Variants in AFF1 observed in about 807,000 individuals in gnomAD.
AFF1 encodes the protein ALF transcription elongation factor 1.
In AFF1, 48 loss-of-function variants were observed where a neutral mutation model predicts 121.7. That is an observed-to-expected ratio of 0.39 (90% CI 0.31 to 0.50). The LOEUF (loss-of-function observed/expected upper bound fraction) is 0.50. AFF1 is among the 20% of genes least tolerant of loss of function. AFF1 has a pLI of 0.76. For missense variants in AFF1, 1,523 were observed against 1,511.7 expected, an observed-to-expected ratio of 1.01 and a Z score of -0.12; for synonymous variants, 613 against 563.0, an observed-to-expected ratio of 1.09 and a Z score of -1.26.
intron 8 of AFF1, among the ~76,000 whole-genome samples, chr4:87,098,191 G>C (rs904473787): frequency 6.6e-6 from 1 of 152,168 alleles, no homozygotes; most frequent in African/African-American, 2.4e-5. Context: ...TATTAACTCA[G>C]ATATGGTTAG....
intron 12 of AFF1, among the ~76,000 whole-genome samples, chr4:87,122,881 T>TTAAAAA (rs1381944812): frequency 2.1e-5 from 2 of 96,646 alleles, no homozygotes; most frequent in African/African-American, 8.4e-5. Context: ...GGAAAATTAG[T>TTAAAAA]AAAAAAAAAA....
At chr4:87,079,778 G>A (rs1227835327) in intron 4 of AFF1, among the ~76,000 whole-genome samples, 3 of 152,086 alleles carry the variant, frequency 2.0e-5, no homozygotes, top group East Asian at 3.9e-4. Context: ...ATGTCTCCTC[G>A]TTTTAAAAAC....
At chr4:86,986,775 T>C (rs1489696705) in intron 2 of AFF1, among the ~76,000 whole-genome samples, 1 of 152,134 alleles carries the variant, frequency 6.6e-6, no homozygotes, top group Admixed American at 6.5e-5. Flanking sequence ...TTATTAATAT[T>C]ACATTAATAT....
At position 87,046,701 on chromosome 4, in the gene AFF1, A is replaced by G. The variant is rs1560570970; in HGVS notation, c.166A>G (p.Lys56Glu). The G allele has an allele frequency of 6.2e-7, 1 of 1,600,528 alleles. No individual in the cohort carries two copies. The highest frequency in any genetic ancestry group is 8.5e-7 in the Non-Finnish European group (1 of 1,172,448). ...AATTCTCCTTTTTTTTCAGACAGCA[A>G]AAGGTGATGAGCTGTCTAGTCGAAT... ...PLFGEPYKTA[K>E]GDELSSRIQN... Residue 56 changes from lysine (K) to glutamate (E), a missense_variant, in exon 4 of 21, where the codon AAA (lysine) becomes GAA (glutamate). This residue lies in a region of AFF1 where 369 missense variants were observed against 367.2 expected (regional missense o/e 1.00). Transcript: ENST00000395146.
intron 5 of AFF1, among the ~76,000 whole-genome samples, chr4:87,087,255 A>T (rs543440639): frequency 6.6e-6 from 1 of 152,356 alleles, no homozygotes; most frequent in East Asian, 1.9e-4. Context: ...AGGATGTTGT[A>T]GTGAATAAGA....
At chr4:86,941,469 GCCA>G (rs1560489741) in intron 1 of AFF1, among the ~76,000 whole-genome samples, 1 of 152,148 alleles carries the variant, frequency 6.6e-6, no homozygotes, top group East Asian at 1.9e-4. Flanking sequence ...GTTGAGCCTG[GCCA>G]ACGTGATGAA....
rs747868110 is a variant in AFF1 at position 87,046,294 on chromosome 4, C to T, written c.159+8C>T. The T allele has an allele frequency of 6.2e-7, 1 of 1,609,804 alleles. No homozygotes were observed. The highest frequency in any genetic ancestry group is 1.3e-5 in the African/African-American group (1 of 74,192). ...TTTGGAGAGCCCTACAAGGTATTTACTGAACACTAGACATTGAAGTCCTGA... is the reference window on the plus strand; with the variant it reads ...TTTGGAGAGCCCTACAAGGTATTTATTGAACACTAGACATTGAAGTCCTGA... On this transcript the variant is annotated splice_region_variant and intron_variant, in intron 3 of 20. Transcript: ENST00000395146.
intron 4 of AFF1, among the ~76,000 whole-genome samples, chr4:87,053,830 A>G (rs1731495483): frequency 1.3e-5 from 2 of 152,240 alleles, no homozygotes; most frequent in South Asian, 4.1e-4. Context: ...GACAAGTGCT[A>G]TAAGGGAAAC....
Position 87,114,793 on chromosome 4 carries a change from A to T in AFF1, c.1960A>T (p.Thr654Ser). ...TTCCAAAGACAAGCCCAAGGTGAAGACGAAAGGACGGCCCCGGGCCGCAGC... is the reference window on the plus strand; with the variant it reads ...TTCCAAAGACAAGCCCAAGGTGAAGTCGAAAGGACGGCCCCGGGCCGCAGC... ...QTSKDKPKVKTKGRPRAAASN... is the reference protein window; with the variant it reads ...QTSKDKPKVKSKGRPRAAASN... The change falls in exon 12 of 21, where the codon ACG (threonine) becomes TCG (serine). Residue 654 changes from threonine to serine, a missense_variant. By Grantham distance (58) the Thr-to-Ser change is moderately conservative. Coordinates refer to ENST00000395146, the MANE Select transcript of AFF1 (RefSeq NM_001166693.3). The T allele has an allele frequency of 6.2e-7, 1 of 1,612,898 alleles. No homozygotes were observed. The highest frequency in any genetic ancestry group is 2.2e-5 in the East Asian group (1 of 44,824).
chr4:87,015,897 G>A (rs1296756705), intron 2 of AFF1, among the ~76,000 whole-genome samples: 3 of 152,188 alleles, frequency 2.0e-5, no homozygotes, highest in Non-Finnish European at 4.4e-5. Flanking sequence ...AAAGAATGAA[G>A]AAGTCGGGCG....
intron 2 of AFF1, among the ~76,000 whole-genome samples, chr4:87,025,679 A>T (rs569397326): frequency 6.6e-6 from 1 of 152,088 alleles, no homozygotes; most frequent in Non-Finnish European, 1.5e-5. Flanking sequence ...ATCATCTCAG[A>T]TAGAGGCTAG....
chr4:86,962,964 G>T (rs1307842983), intron 2 of AFF1, among the ~76,000 whole-genome samples: 1 of 151,932 alleles, frequency 6.6e-6, no homozygotes, highest in Admixed American at 6.6e-5. Flanking sequence ...CCAGGAGTTC[G>T]AGACCAGCCT....
At chr4:87,084,312 G>A in intron 5 of AFF1, 148 bp downstream of exon 5, 1 of 787,724 alleles carries the variant, frequency 1.3e-6, no homozygotes, top group Non-Finnish European at 2.1e-6. Context: ...GCCAAGGTGG[G>A]CGGATTGCTT....
At chr4:87,006,530 A>C (rs1042025105) in intron 2 of AFF1, among the ~76,000 whole-genome samples, 6 of 152,266 alleles carry the variant, frequency 3.9e-5, no homozygotes, top group Middle Eastern at 3.4e-3. Flanking sequence ...ATTTGTCTCT[A>C]TGTAAGGAAA....
chr4:87,132,208 T>TA, intron 18 of AFF1, 63 bp from the exon 19 acceptor site: 1 of 1,571,722 alleles, frequency 6.4e-7, no homozygotes, highest in African/African-American at 1.4e-5. Flanking sequence ...TATAAAAGGT[T>TA]AGATGGCTGC....
chr4:86,945,236 A>T (rs1720767426), intron 1 of AFF1, among the ~76,000 whole-genome samples: 2 of 151,838 alleles, frequency 1.3e-5, no homozygotes. Flanking sequence ...CATGCAGCTC[A>T]CTTGAGCCTA....
At chr4:87,020,874 T>C in intron 2 of AFF1, 1 of 968,058 alleles carries the variant, frequency 1.0e-6, no homozygotes, top group Non-Finnish European at 1.2e-6. Flanking sequence ...AATGTATTCT[T>C]CCAGAAGGTT....
At chr4:87,066,357 G>A (rs140714057) in intron 4 of AFF1, among the ~76,000 whole-genome samples, 182 of 152,300 alleles carry the variant, frequency 1.2e-3, no homozygotes, top group Non-Finnish European at 1.3e-3. Flanking sequence ...GCTGAGGTGG[G>A]AGGATTACTG....
At chr4:86,984,243 T>C (rs981372758) in intron 2 of AFF1, among the ~76,000 whole-genome samples, 2 of 152,148 alleles carry the variant, frequency 1.3e-5, no homozygotes, top group African/African-American at 4.8e-5. Context: ...TCGGCTTTCA[T>C]AGTCGTTTCT....
Sources: gnomAD v4.1 joint callset for allele counts (sites outside exome capture counted in the v4.1 genomes callset) on GRCh38, gnomAD v4.1.1 for gene constraint, gnomAD v4.1.1 regional missense constraint, MANE v1.5 for transcripts, NCBI Gene and HGNC (gene_info 2026-07-23, HGNC 2026-07-21) for gene names.